Variants in CNTNAP2 observed in about 807,000 individuals in gnomAD.
CNTNAP2 encodes contactin associated protein 2, also known as contactin-associated protein-like 2.
A neutral mutation model predicts 155.2 loss-of-function variants in CNTNAP2; 98 were observed. The ratio of observed to expected loss-of-function variants is 0.63; its 90% CI spans 0.54 to 0.75. The LOEUF is 0.75. CNTNAP2 is among the 30% of genes least tolerant of loss of function. The pLI, the probability that CNTNAP2 is intolerant of heterozygous loss-of-function variation, is 0.00. For synonymous variants in CNTNAP2, 651 were observed against 631.2 expected (o/e 1.03, Z -0.47); for missense variants, 1,727 against 1,688.1 (o/e 1.02, Z -0.40).
intron 4 of CNTNAP2, among the ~76,000 whole-genome samples, chr7:147,079,244 G>A (rs1485813281): frequency 6.6e-6 from 1 of 152,120 alleles, no homozygotes; most frequent in Non-Finnish European, 1.5e-5. Context: ...GGAAAACTGA[G>A]GTCACAGGGA....
chr7:147,560,905 A>T lies in CNTNAP2; in HGVS notation c.1778-1233A>T, dbSNP rs1489788948. ...AAAGGAGGCACAGAGAACTTGGTAG[A>T]GGAAGGTTAAAAAAGGGAGGTCCCA... On this transcript the variant is annotated intron_variant, in intron 11 of 23. Transcript: ENST00000361727. Among the ~76,000 whole-genome samples, 3 of 151,142 alleles carry T rather than the reference A, an allele frequency of 2.0e-5. No individual in the cohort carries two copies. The East Asian group carries it at 5.8e-4, about 29-fold the overall frequency.
At chr7:146,680,334 C>G (rs1800480339) in intron 1 of CNTNAP2, among the ~76,000 whole-genome samples, 1 of 152,076 alleles carries the variant, frequency 6.6e-6, no homozygotes, top group Non-Finnish European at 1.5e-5. Context: ...AACCCCTAAA[C>G]AAAAGCTAAA....
At chr7:147,864,168 C>T (rs1799185303) in intron 13 of CNTNAP2, among the ~76,000 whole-genome samples, 1 of 152,054 alleles carries the variant, frequency 6.6e-6, no homozygotes, top group South Asian at 2.1e-4. Context: ...TTCCCAGCAC[C>T]ATTTATTAAA....
intron 14 of CNTNAP2, among the ~76,000 whole-genome samples, chr7:147,929,459 C>T (rs1800460245): frequency 6.6e-6 from 1 of 151,816 alleles, no homozygotes; most frequent in Admixed American, 6.6e-5. Context: ...ATCAGTATCA[C>T]AAAATAATAA....
intron 16 of CNTNAP2, among the ~76,000 whole-genome samples, chr7:148,134,854 TC>T (rs1477246825): frequency 6.6e-6 from 1 of 152,168 alleles, no homozygotes; most frequent in East Asian, 1.9e-4. Context: ...TCAGCTATAA[TC>T]CCATATTCCA....
At chr7:148,253,691 T>C (rs1314237501) in intron 20 of CNTNAP2, among the ~76,000 whole-genome samples, 1 of 152,178 alleles carries the variant, frequency 6.6e-6, no homozygotes, top group Non-Finnish European at 1.5e-5. Context: ...CAAGTTACCC[T>C]GTGACAGTCA....
chr7:148,388,449 C>A (rs1322858728), intron 22 of CNTNAP2, among the ~76,000 whole-genome samples: 1 of 152,030 alleles, frequency 6.6e-6, no homozygotes. Flanking sequence ...CCAATTTCAT[C>A]CATGTCCCTA....
chr7:148,415,305 G>GTGTT (rs1799955501), intron 23 of CNTNAP2, 112 bp from the exon 24 acceptor site: 7 of 1,078,858 alleles, frequency 6.5e-6, no homozygotes, highest in East Asian at 5.0e-5. Context: ...TTTGGAGGTT[G>GTGTT]TGTTTTATAT....
intron 1 of CNTNAP2, among the ~76,000 whole-genome samples, chr7:146,362,643 G>A (rs535031289): frequency 6.6e-6 from 1 of 152,142 alleles, no homozygotes; most frequent in African/African-American, 2.4e-5. Context: ...GTAAGGCCTT[G>A]TAAGCTAAAA....
At chr7:147,289,103 C>A (rs2116742633) in intron 8 of CNTNAP2, among the ~76,000 whole-genome samples, 1 of 152,170 alleles carries the variant, frequency 6.6e-6, no homozygotes, top group South Asian at 2.1e-4. Flanking sequence ...TATTTCTAGA[C>A]CAGAAACCAG....
chr7:148,021,601 A>G (rs1585081895), intron 15 of CNTNAP2, among the ~76,000 whole-genome samples: 1 of 152,338 alleles, frequency 6.6e-6, no homozygotes, highest in South Asian at 2.1e-4. Context: ...ATCATTGGGC[A>G]TCTCCACCTG....
intron 1 of CNTNAP2, among the ~76,000 whole-genome samples, chr7:146,253,652 T>C (rs1455027637): frequency 6.6e-6 from 1 of 152,212 alleles, no homozygotes; most frequent in African/African-American, 2.4e-5. Context: ...GATGGATCTA[T>C]TGGAGGCAGT....
At chr7:146,870,584 TATA>T (rs1208999630) in intron 3 of CNTNAP2, among the ~76,000 whole-genome samples, 2 of 152,180 alleles carry the variant, frequency 1.3e-5, no homozygotes, top group Non-Finnish European at 2.9e-5. Flanking sequence ...TGAGTTTACT[TATA>T]ATCAAATATA....
intron 10 of CNTNAP2, among the ~76,000 whole-genome samples, chr7:147,445,411 T>G (rs1797717248): frequency 6.6e-6 from 1 of 152,210 alleles, no homozygotes; most frequent in African/African-American, 2.4e-5. Flanking sequence ...CATTACAGAT[T>G]TGATCCCAAA....
intron 1 of CNTNAP2, among the ~76,000 whole-genome samples, chr7:146,226,427 G>C (rs1458045342): frequency 6.6e-6 from 1 of 152,178 alleles, no homozygotes; most frequent in Non-Finnish European, 1.5e-5. Flanking sequence ...GGGAGGCTGA[G>C]GTGGGAGGAT....
At chr7:147,995,121 G>T (rs1220905639) in intron 15 of CNTNAP2, among the ~76,000 whole-genome samples, 2 of 152,168 alleles carry the variant, frequency 1.3e-5, no homozygotes, top group Non-Finnish European at 2.9e-5. Context: ...AGGCTCACTA[G>T]AGACTCAGCA....
chr7:146,722,336 G>C (rs962972122), intron 1 of CNTNAP2, among the ~76,000 whole-genome samples: 5 of 152,086 alleles, frequency 3.3e-5, no homozygotes, highest in Admixed American at 3.3e-4. Flanking sequence ...CTTGGCCTAG[G>C]ACTTCCAGAC....
intron 8 of CNTNAP2, among the ~76,000 whole-genome samples, chr7:147,249,118 T>C (rs367970097): frequency 1.3e-5 from 2 of 152,200 alleles, no homozygotes; most frequent in Non-Finnish European, 2.9e-5. Context: ...ATAGCTTGTA[T>C]AGGGTTAAGA....
chr7:147,338,414 A>G (rs942109425), intron 9 of CNTNAP2, among the ~76,000 whole-genome samples: 2 of 152,172 alleles, frequency 1.3e-5, no homozygotes, highest in Non-Finnish European at 2.9e-5. Flanking sequence ...TTGAAGAGCA[A>G]GGGCAGTCTA....
Sources: allele counts gnomAD v4.1 joint callset (sites outside exome capture counted in the v4.1 genomes callset), GRCh38; gene constraint gnomAD v4.1.1; transcripts MANE v1.5; gene names NCBI Gene and HGNC (gene_info 2026-07-23, HGNC 2026-07-21).